ARHGAP22: variants seen among roughly 807,000 people sequenced by gnomAD.
ARHGAP22 encodes rho GTPase-activating protein 22.
ARHGAP22 carries 48 observed loss-of-function variants against 59.1 expected under a neutral mutation model. That is an observed-to-expected ratio of 0.81 (90% CI 0.64 to 1.03). The LOEUF is 1.03. Among genes scored for constraint, ARHGAP22 ranks in the 50% least tolerant of loss-of-function variants. ARHGAP22 has a pLI of 0.00. For synonymous variants in ARHGAP22, 445 were observed against 416.4 expected (o/e 1.07, Z -0.84); for missense variants, 1,015 against 958.7 (o/e 1.06, Z -0.78).
Position 48,632,925 on chromosome 10 carries a change from T to C in ARHGAP22, c.52+19309A>G, listed in dbSNP as rs934253584. On this transcript the variant is annotated intron_variant, in intron 1 of 9. Coordinates refer to the ARHGAP22 transcript ENST00000435790. ...AGAAGCCAGAGTCTTTCCATTTTCA[T>C]CACTACTGCACAACGCTGACTATTC... Among the ~76,000 whole-genome samples, 7 of 152,320 alleles carry C rather than the reference T, an allele frequency of 4.6e-5. No homozygotes were observed. In the South Asian group the frequency reaches 8.3e-4, roughly 18 times the overall value.
At chr10:48,595,789 G>T (rs1369896245) in intron 1 of ARHGAP22, among the ~76,000 whole-genome samples, 2 of 152,114 alleles carry the variant, frequency 1.3e-5, no homozygotes, top group African/African-American at 4.8e-5. Context: ...GGAATTACAG[G>T]CATGAGCTAC....
At chr10:48,626,290 T>C (rs930503101) in intron 1 of ARHGAP22, among the ~76,000 whole-genome samples, 1 of 152,292 alleles carries the variant, frequency 6.6e-6, no homozygotes, top group East Asian at 1.9e-4. Context: ...AGAGGTGTTG[T>C]CAAGAAACAT....
chr10:48,621,591 C>T (rs900267332), intron 1 of ARHGAP22, among the ~76,000 whole-genome samples: 1 of 152,214 alleles, frequency 6.6e-6, no homozygotes, highest in African/African-American at 2.4e-5. Flanking sequence ...CTAGATATTA[C>T]ATTTGACCCT....
At chr10:48,598,223 G>A (rs7894023) in intron 1 of ARHGAP22, among the ~76,000 whole-genome samples, 17,108 of 152,202 alleles carry the variant, frequency 0.11, 3,193 homozygotes, top group African/African-American at 0.39. Context: ...TGGGAAGAAG[G>A]AGAACATGAG....
chr10:48,636,033 G>A (rs1394269411), intron 1 of ARHGAP22, among the ~76,000 whole-genome samples: 2 of 152,178 alleles, frequency 1.3e-5, no homozygotes, highest in Non-Finnish European at 2.9e-5. Flanking sequence ...TAGTTTGGTG[G>A]TAGCATCAGG....
intron 1 of ARHGAP22, among the ~76,000 whole-genome samples, chr10:48,598,214 G>A (rs1286647748): frequency 6.6e-6 from 1 of 152,178 alleles, no homozygotes; most frequent in Non-Finnish European, 1.5e-5. Flanking sequence ...GGAGTTATCT[G>A]GGAAGAAGGA....
intron 1 of ARHGAP22, among the ~76,000 whole-genome samples, chr10:48,622,552 A>G (rs1022397976): frequency 5.9e-5 from 9 of 152,214 alleles, no homozygotes; most frequent in Admixed American, 3.9e-4. Flanking sequence ...GGTAATTAGC[A>G]TATTCATCAC....
At chr10:48,494,196 T>C (rs537275707) in intron 3 of ARHGAP22, among the ~76,000 whole-genome samples, 6 of 152,306 alleles carry the variant, frequency 3.9e-5, no homozygotes, top group African/African-American at 1.2e-4. Context: ...AAGCTGACGC[T>C]CCGTGAGCTT....
chr10:48,560,025 C>G (rs1457199686), intron 2 of ARHGAP22, among the ~76,000 whole-genome samples: 2 of 152,178 alleles, frequency 1.3e-5, no homozygotes, highest in East Asian at 3.8e-4. Flanking sequence ...TATGCCTGTC[C>G]TAATCCCTGG....
At chr10:48,480,587 G>A (rs1040498245) in intron 3 of ARHGAP22, among the ~76,000 whole-genome samples, 7 of 152,172 alleles carry the variant, frequency 4.6e-5, no homozygotes, top group Non-Finnish European at 1.0e-4. Flanking sequence ...CCCAAGCCAC[G>A]CTTTGCTGGA....
intron 2 of ARHGAP22, among the ~76,000 whole-genome samples, chr10:48,568,801 G>T (rs1315992159): frequency 1.3e-5 from 2 of 152,196 alleles, no homozygotes; most frequent in Non-Finnish European, 2.9e-5. Flanking sequence ...GGGACACAGG[G>T]CCTCTCCACT....
At chr10:48,576,318 GGC>G (rs1183470036) in intron 2 of ARHGAP22, among the ~76,000 whole-genome samples, 3 of 152,228 alleles carry the variant, frequency 2.0e-5, no homozygotes, top group Non-Finnish European at 4.4e-5. Flanking sequence ...GGGAGCCCCT[GGC>G]CTGGCCTCCC....
intron 3 of ARHGAP22, among the ~76,000 whole-genome samples, chr10:48,518,824 A>G (rs183234322): frequency 3.2e-4 from 49 of 152,364 alleles, no homozygotes; most frequent in African/African-American, 1.1e-3. Flanking sequence ...AGGTGCTGGC[A>G]TAGCATAGAG....
intron 3 of ARHGAP22, among the ~76,000 whole-genome samples, chr10:48,537,738 G>A (rs1041170360): frequency 1.3e-5 from 2 of 152,208 alleles, no homozygotes; most frequent in Non-Finnish European, 2.9e-5. Context: ...CCACCTGACC[G>A]CAGGCCTCCG....
At chr10:48,539,269 CA>C (rs1329674892) in intron 3 of ARHGAP22, among the ~76,000 whole-genome samples, 1 of 143,864 alleles carries the variant, frequency 7.0e-6, no homozygotes, top group East Asian at 2.3e-4. Flanking sequence ...CATCTGCTAA[CA>C]ATTAGTATGA....
At chr10:48,540,617 C>A (rs2055843773) in intron 3 of ARHGAP22, among the ~76,000 whole-genome samples, 1 of 152,106 alleles carries the variant, frequency 6.6e-6, no homozygotes, top group South Asian at 2.1e-4. Flanking sequence ...AAATCCTGTG[C>A]ATTGAAAATA....
chr10:48,515,530 A>C (rs923031541), intron 3 of ARHGAP22, among the ~76,000 whole-genome samples: 19 of 152,218 alleles, frequency 1.2e-4, no homozygotes, highest in African/African-American at 4.1e-4. Context: ...GAACATCAAC[A>C]AGGAAACAGA....
chr10:48,504,103 C>CCTG (rs10655239), intron 3 of ARHGAP22, among the ~76,000 whole-genome samples: 8,286 of 152,152 alleles, frequency 0.054, 770 homozygotes, highest in African/African-American at 0.19. Flanking sequence ...GGATAAGCTG[C>CCTG]CTGCTGCCCT....
intron 3 of ARHGAP22, among the ~76,000 whole-genome samples, chr10:48,484,085 C>T (rs2049610049): frequency 1.3e-5 from 2 of 152,186 alleles, no homozygotes; most frequent in South Asian, 2.1e-4. Flanking sequence ...GGTCTAGTCT[C>T]AGTCTTCTGC....
Sources: allele counts gnomAD v4.1 joint callset (sites outside exome capture counted in the v4.1 genomes callset), GRCh38; gene constraint gnomAD v4.1.1; transcripts MANE v1.5; gene names NCBI Gene and HGNC (gene_info 2026-07-23, HGNC 2026-07-21).